Variants in ATCAY observed in about 807,000 individuals in gnomAD.
ATCAY encodes caytaxin.
ATCAY carries 22 observed loss-of-function variants against 47.7 expected under a neutral mutation model. That is an observed-to-expected ratio of 0.46 (90% confidence interval 0.33 to 0.66). The LOEUF is 0.66. Among genes scored for constraint, ATCAY ranks in the 30% least tolerant of loss-of-function variants. The pLI, the probability that ATCAY is intolerant of heterozygous loss-of-function variation, is 0.02. For missense variants in ATCAY, 452 were observed against 515.0 expected, an observed-to-expected ratio of 0.88 and a Z score of 1.18; for synonymous variants, 216 against 207.6, an observed-to-expected ratio of 1.04 and a Z score of -0.35.
chr19:3,905,784 C>A, intron 4 of ATCAY, 129 bp downstream of exon 4: 1 of 775,692 alleles, frequency 1.3e-6, no homozygotes, highest in Non-Finnish European at 2.0e-6. Context: ...AGCCTTAAAC[C>A]CAGGAGATCA....
chr19:3,915,339 A>ATT (rs55746542), intron 9 of ATCAY, among the ~76,000 whole-genome samples: 8 of 127,228 alleles, frequency 6.3e-5, no homozygotes, highest in African/African-American at 1.7e-4. Context: ...TGCCTGGCTA[A>ATT]TTTTTTTTTT....
intron 4 of ATCAY, among the ~76,000 whole-genome samples, chr19:3,906,026 C>A (rs2038857412): frequency 6.6e-6 from 1 of 151,806 alleles, no homozygotes; most frequent in Non-Finnish European, 1.5e-5. Flanking sequence ...AAAAAATTAG[C>A]CAGGCATGGT....
chr19:3,916,587 G>A (rs1265448234), intron 9 of ATCAY, among the ~76,000 whole-genome samples: 1 of 152,176 alleles, frequency 6.6e-6, no homozygotes, highest in Non-Finnish European at 1.5e-5. Flanking sequence ...TCCACCTCCC[G>A]GGTTCAAGCA....
rs2039077723 is a variant in ATCAY, at chr19:3,927,516, G to T, written c.*2924G>T. On this transcript the variant is annotated 3_prime_UTR_variant, in exon 13 of 13. Coordinates refer to ENST00000450849, the MANE Select transcript of ATCAY (RefSeq NM_033064.5). The stretch of plus-strand genomic sequence containing the variant: ...CAGCAGCAATCAAGTGACAAGTGAG[G>T]CCCTACCTGACCCAGAAGGTGCCTG... 6.6e-6 allele frequency: 1 copy of T among 152,244 alleles called. No individual in the cohort carries two copies. The highest frequency in any genetic ancestry group is 2.1e-4 in the South Asian group (1 of 4,830). The allele number at this position is 152,244 out of a possible 1,614,324, so 9.4% of individuals were successfully genotyped here.
intron 2 of ATCAY, among the ~76,000 whole-genome samples, chr19:3,892,105 G>T (rs551301915): frequency 1.6e-4 from 24 of 152,006 alleles, no homozygotes; most frequent in African/African-American, 5.5e-4. Flanking sequence ...GGTCAGGCTG[G>T]TCTCGAACTA....
intron 2 of ATCAY, among the ~76,000 whole-genome samples, chr19:3,886,971 C>G (rs887399240): frequency 6.6e-6 from 1 of 152,002 alleles, no homozygotes. Context: ...CAAGAGCCAC[C>G]GCGCCCGGCC....
chr19:3,916,490 T>TATTGC (rs1568452620), intron 9 of ATCAY, among the ~76,000 whole-genome samples: 1 of 152,148 alleles, frequency 6.6e-6, no homozygotes, highest in East Asian at 1.9e-4. Flanking sequence ...TTTTGTTTTG[T>TATTGC]TTTGCTTTGC....
intron 12 of ATCAY, among the ~76,000 whole-genome samples, chr19:3,921,387 C>T (rs975298628): frequency 3.3e-5 from 5 of 151,144 alleles, no homozygotes; most frequent in Non-Finnish European, 5.9e-5. Flanking sequence ...AAGATCGTAC[C>T]ACTGCACTCC....
intron 11 of ATCAY, 91 bp from the exon 12 acceptor site, chr19:3,920,675 A>T: frequency 8.7e-7 from 1 of 1,145,210 alleles, no homozygotes; most frequent in Non-Finnish European, 1.2e-6. Context: ...ATAAATAAAT[A>T]AAAATAAAAT....
At chr19:3,885,434 AC>A (rs933783323) in intron 1 of ATCAY, among the ~76,000 whole-genome samples, 60 of 151,910 alleles carry the variant, frequency 3.9e-4, no homozygotes, top group African/African-American at 1.4e-3. Flanking sequence ...GGTGCCTGTA[AC>A]CCCAGCTACT....
chr19:3,911,072 C>G (rs561386669), intron 8 of ATCAY, among the ~76,000 whole-genome samples, 183 bp downstream of exon 8: 4 of 152,296 alleles, frequency 2.6e-5, no homozygotes, highest in Middle Eastern at 6.8e-3. Context: ...CATATTATTG[C>G]TTTAAACAGT....
At chr19:3,916,826 TAGAC>T (rs2038970464) in intron 9 of ATCAY, among the ~76,000 whole-genome samples, 1 of 150,748 alleles carries the variant, frequency 6.6e-6, no homozygotes, top group Non-Finnish European at 1.5e-5. Flanking sequence ...TTTTTTTTTT[TAGAC>T]AGAGTCTCAC....
intron 2 of ATCAY, among the ~76,000 whole-genome samples, chr19:3,900,900 T>C (rs2038810651): frequency 1.0e-5 from 1 of 97,094 alleles, no homozygotes; most frequent in Non-Finnish European, 1.8e-5. Flanking sequence ...TTCATCTTTT[T>C]TTTTTTTTTT....
Position 3,908,772 on chromosome 19 carries a change from C to CCCT in ATCAY, c.647+404_647+406dup, listed in dbSNP as rs1365416310. ...TCTTCCCCTTCCCTCTCCTCCTCCC[C>CCCT]CCTCTTCCTTCTCCTCCTCTTCCTC... On this transcript the variant is annotated intron_variant, in intron 6 of 12. Coordinates refer to ENST00000450849, the MANE Select transcript of ATCAY (RefSeq NM_033064.5). Among the ~76,000 whole-genome samples, 523 of 102,748 alleles carry CCCT rather than the reference C, an allele frequency of 5.1e-3. 19 individuals carry two copies. The highest frequency in any genetic ancestry group is 0.018 in the African/African-American group (470 of 25,540). The allele number at this position is 102,748 out of a possible 152,430, so 67.4% of individuals were successfully genotyped here. A position where few individuals can be genotyped will look rare whatever the true frequency, so the allele number is the denominator to read the frequency against.
chr19:3,888,367 C>T (rs1295731934), intron 2 of ATCAY, among the ~76,000 whole-genome samples: 3 of 152,210 alleles, frequency 2.0e-5, no homozygotes, highest in South Asian at 2.1e-4. Context: ...CAGTGGCTCA[C>T]GTCTGCAGTC....
rs745335998 is a variant in ATCAY at position 3,907,813 on chromosome 19, C to T, written c.438C>T (p.Gly146=). 6.2e-7 allele frequency: 1 copy of T among 1,613,972 alleles called. No homozygotes were observed. The highest frequency in any genetic ancestry group is 2.2e-5 in the East Asian group (1 of 44,880). ...DLFGDGTTED[G]SAANGRLWRT... Reference sequence around the variant, plus strand: ...TTGGGGACGGCACGACGGAGGACGGCAGCGCCGCCAACGGGCGCCTGTGGC... The same window carrying T: ...TTGGGGACGGCACGACGGAGGACGGTAGCGCCGCCAACGGGCGCCTGTGGC... Residue 146 remains glycine (G), a synonymous_variant, in exon 5 of 13, where the codon GGC becomes GGT. Transcript: ENST00000450849. The surrounding 1 kb of genome is among the most constrained non-coding windows in gnomAD (Gnocchi z 5.1).
At chr19:3,910,935 G>A (rs4807527) in intron 8 of ATCAY, 46 bp downstream of exon 8, 834,437 of 1,590,326 alleles carry the variant, frequency 0.52, 228,966 homozygotes, top group East Asian at 0.94. Flanking sequence ...CTCAGTGTGC[G>A]TGTGTGCGTG....
chr19:3,921,876 A>G, intron 12 of ATCAY, among the ~76,000 whole-genome samples: 1 of 151,574 alleles, frequency 6.6e-6, no homozygotes, highest in South Asian at 2.1e-4. Context: ...CAGCCTGGGC[A>G]ACAGAGCAAG....
intron 11 of ATCAY, among the ~76,000 whole-genome samples, chr19:3,919,286 CAAATA>C (rs2038995625): frequency 6.7e-6 from 1 of 149,644 alleles, no homozygotes; most frequent in Admixed American, 6.7e-5. Flanking sequence ...AATAAATAAA[CAAATA>C]AAATAAAAAT....
Sources: allele counts gnomAD v4.1 joint callset (sites outside exome capture counted in the v4.1 genomes callset), GRCh38; gene constraint gnomAD v4.1.1; non-coding constraint Gnocchi (gnomAD v3.1); transcripts MANE v1.5; gene names NCBI Gene and HGNC (gene_info 2026-07-23, HGNC 2026-07-21).